ELL2: variants seen among roughly 807,000 people sequenced by gnomAD.
The protein encoded by ELL2 is elongation factor for RNA polymerase II 2, also known as RNA polymerase II elongation factor ELL2.
A neutral mutation model predicts 72.8 loss-of-function variants in ELL2; 21 were observed. That is an observed-to-expected ratio of 0.29 (90% CI 0.20 to 0.42). The LOEUF is 0.42. Among genes scored for constraint, ELL2 ranks in the 10% least tolerant of loss-of-function variants. The probability of loss-of-function intolerance (pLI) is 1.00; values close to 1 mark genes in which losing one functional copy is unlikely to be tolerated. For synonymous variants in ELL2, 266 were observed against 283.2 expected (o/e 0.94, Z 0.61); for missense variants, 568 against 772.8 (o/e 0.73, Z 3.14).
rs1470553700 is a variant in ELL2, at chr5:95,885,693, A to T, written c.*3178T>A. The T allele has an allele frequency of 6.6e-6, 1 of 152,238 alleles. No homozygotes were observed. The highest frequency in any genetic ancestry group is 1.5e-5 in the Non-Finnish European group (1 of 68,044). 9.4% of individuals were successfully genotyped at this position (152,238 alleles called of 1,614,324 possible). A position where few individuals can be genotyped will look rare whatever the true frequency, so the allele number is the denominator to read the frequency against. ...TGCAAGCAGGCATTTGTTTTACATA[A>T]GGTGAAACACTTTATAAGAGAAAAG... On this transcript the variant is annotated 3_prime_UTR_variant, in exon 12 of 12. Transcript: ENST00000237853.
In ELL2 at chr5:95,916,244, T is replaced by C. The variant is rs1580501510; in HGVS notation, c.318-2310A>G. 3.9e-5 allele frequency among the ~76,000 whole-genome samples: 6 copies of C among 151,964 alleles called. No homozygotes were observed. The South Asian group carries it at 1.2e-3, about 31-fold the overall frequency. ...GTCACGAGGTATATGGAAGCTGCTA[T>C]GTACTGAAACACTGAACACAAGATG... On this transcript the variant is annotated intron_variant, in intron 3 of 11. Transcript: ENST00000237853.
intron 2 of ELL2, among the ~76,000 whole-genome samples, chr5:95,930,934 C>T (rs1292436333): frequency 6.6e-6 from 1 of 151,930 alleles, no homozygotes; most frequent in African/African-American, 2.4e-5. Context: ...GAATTGGTGC[C>T]AACTATTTGG....
intron 2 of ELL2, among the ~76,000 whole-genome samples, chr5:95,936,842 A>T (rs1750794118): frequency 6.6e-6 from 1 of 152,202 alleles, no homozygotes; most frequent in African/African-American, 2.4e-5. Flanking sequence ...CTGCAACATA[A>T]ATAACTCAAT....
At chr5:95,952,241 A>G (rs1271241513) in intron 1 of ELL2, among the ~76,000 whole-genome samples, 1 of 152,196 alleles carries the variant, frequency 6.6e-6, no homozygotes, top group African/African-American at 2.4e-5. Context: ...TTTATAAGTG[A>G]GAGCTAAACA....
At chr5:95,921,741 G>A (rs1353193856) in intron 2 of ELL2, among the ~76,000 whole-genome samples, 1 of 152,142 alleles carries the variant, frequency 6.6e-6, no homozygotes, top group African/African-American at 2.4e-5. Flanking sequence ...GGAAGAGCAG[G>A]GTTCTGCTGA....
At chr5:95,930,927 T>C (rs575719315) in intron 2 of ELL2, among the ~76,000 whole-genome samples, 1 of 152,304 alleles carries the variant, frequency 6.6e-6, no homozygotes, top group South Asian at 2.1e-4. Flanking sequence ...TTTATGAGAA[T>C]TGGTGCCAAC....
At chr5:95,956,977 C>T (rs1751649793) in intron 1 of ELL2, among the ~76,000 whole-genome samples, 1 of 152,158 alleles carries the variant, frequency 6.6e-6, no homozygotes, top group South Asian at 2.1e-4. Context: ...AAAGTGTTAG[C>T]AGAATCCCAC....
At position 95,886,357 on chromosome 5, in the gene ELL2, A is replaced by T. The variant is rs1293969508; in HGVS notation, c.*2514T>A. On this transcript the variant is annotated 3_prime_UTR_variant, in exon 12 of 12. Transcript: ENST00000237853. ...ACTAATAGACAGACACACTTTTGCA[A>T]GGATCTGTCCAACACATACAACTAA... The T allele has an allele frequency of 6.6e-6, 1 of 152,242 alleles. No individual in the cohort carries two copies. Among genetic ancestry groups the T allele is most frequent in the African/African-American group, 2.4e-5 (1 of 41,468 alleles). 9.4% of individuals were successfully genotyped at this position (152,242 alleles called of 1,614,324 possible).
At chr5:95,938,855 G>C (rs946168406) in intron 2 of ELL2, among the ~76,000 whole-genome samples, 1 of 152,146 alleles carries the variant, frequency 6.6e-6, no homozygotes, top group Non-Finnish European at 1.5e-5. Flanking sequence ...AACAAATACT[G>C]AGTTAATACC....
At chr5:95,960,928 C>G (rs553228479) in intron 1 of ELL2, among the ~76,000 whole-genome samples, 1 of 152,010 alleles carries the variant, frequency 6.6e-6, no homozygotes, top group African/African-American at 2.4e-5. Context: ...TGCGCCGCCC[C>G]CTTACACGGA....
intron 4 of ELL2, among the ~76,000 whole-genome samples, chr5:95,908,612 G>A (rs1217960123): frequency 1.3e-5 from 2 of 152,132 alleles, no homozygotes; most frequent in Admixed American, 1.3e-4. Flanking sequence ...ACTTCCCCAC[G>A]TTGCCAGGCT....
chr5:95,933,265 T>C (rs919972198), intron 2 of ELL2, among the ~76,000 whole-genome samples: 2 of 152,128 alleles, frequency 1.3e-5, no homozygotes, highest in Admixed American at 6.5e-5. Context: ...TTTAAAAGTA[T>C]TCTGACCTAA....
rs1010007811 is a variant in ELL2, at chr5:95,936,609, C to T, written c.195+6393G>A. ...ACCAGGCTGGGCAATATAGGGAGACCGTGTCTCTTCAAAAAGTGAAAAAAT... is the reference window on the plus strand; with the variant it reads ...ACCAGGCTGGGCAATATAGGGAGACTGTGTCTCTTCAAAAAGTGAAAAAAT... On this transcript the variant is annotated intron_variant, in intron 2 of 11. Coordinates refer to ENST00000237853, the MANE Select transcript of ELL2 (RefSeq NM_012081.6). 4.6e-5 allele frequency among the ~76,000 whole-genome samples: 7 copies of T among 152,064 alleles called. No homozygotes were observed. The East Asian group carries it at 9.7e-4, about 21-fold the overall frequency.
intron 2 of ELL2, among the ~76,000 whole-genome samples, chr5:95,935,262 T>G (rs1371701784): frequency 6.6e-6 from 1 of 152,226 alleles, no homozygotes; most frequent in African/African-American, 2.4e-5. Context: ...CTTAGAGTTA[T>G]AAGTTACTGC....
chr5:95,905,926 C>A (rs556890422), intron 5 of ELL2, among the ~76,000 whole-genome samples: 5 of 151,964 alleles, frequency 3.3e-5, no homozygotes, highest in Non-Finnish European at 7.4e-5. Context: ...TCTAACAAAC[C>A]ACTGACTTTA....
intron 4 of ELL2, among the ~76,000 whole-genome samples, chr5:95,909,447 A>G (rs1413525091): frequency 6.6e-6 from 1 of 152,238 alleles, no homozygotes; most frequent in African/African-American, 2.4e-5. Flanking sequence ...TCGACAAGGA[A>G]GGAATCCTCT....
intron 1 of ELL2, among the ~76,000 whole-genome samples, chr5:95,956,490 A>T (rs1328800970): frequency 6.6e-6 from 1 of 152,248 alleles, no homozygotes; most frequent in Non-Finnish European, 1.5e-5. Context: ...CTTAATAAAC[A>T]TGTCCAACAG....
intron 3 of ELL2, among the ~76,000 whole-genome samples, chr5:95,918,515 A>C (rs750949442): frequency 6.6e-6 from 1 of 152,176 alleles, no homozygotes; most frequent in Non-Finnish European, 1.5e-5. Flanking sequence ...TCAGTGTCTT[A>C]TTTTGTATCT....
At position 95,900,792 on chromosome 5, in the gene ELL2, A is replaced by T. The variant is rs760405889; in HGVS notation, c.867-12T>A. On this transcript the variant is annotated splice_polypyrimidine_tract_variant and intron_variant, in intron 6 of 11. Coordinates refer to ENST00000237853, the MANE Select transcript of ELL2 (RefSeq NM_012081.6). ...ACGGATTTAGTTTTCTGTAAAGGACACACATGTTATGTGTTAAGGAGATGA... is the reference window on the plus strand; with the variant it reads ...ACGGATTTAGTTTTCTGTAAAGGACTCACATGTTATGTGTTAAGGAGATGA... 1 of 1,599,944 alleles carries T rather than the reference A, an allele frequency of 6.3e-7. No individual in the cohort carries two copies. The highest frequency in any genetic ancestry group is 1.8e-5 in the Admixed American group (1 of 57,032).
Sources: gnomAD v4.1 joint callset for allele counts (sites outside exome capture counted in the v4.1 genomes callset) on GRCh38, gnomAD v4.1.1 for gene constraint, MANE v1.5 for transcripts, NCBI Gene and HGNC (gene_info 2026-07-23, HGNC 2026-07-21) for gene names.